DACH1: variants seen among roughly 807,000 people sequenced by gnomAD.
DACH1 encodes the protein dachshund family transcription factor 1.
In DACH1, 12 loss-of-function variants were observed where a neutral mutation model predicts 54.2. The observed-to-expected ratio is 0.22, with a 90% confidence interval of 0.14 to 0.36. DACH1 has a LOEUF of 0.36. Among genes scored for constraint, DACH1 ranks in the 10% least tolerant of loss-of-function variants. The pLI is 1.00. For synonymous variants in DACH1, 386 were observed against 366.2 expected (o/e 1.05, Z -0.62); for missense variants, 805 against 929.8 (o/e 0.87, Z 1.75).
rs111368443 is a variant in DACH1, at chr13:71,713,089, C to CTT, written c.849-31181_849-31180dup. Among the ~76,000 whole-genome samples the CTT allele has an allele frequency of 2.1e-5, 3 of 143,726 alleles. No individual in the cohort carries two copies. In the East Asian group the frequency reaches 6.0e-4, roughly 29 times the overall value. 94.3% of individuals were successfully genotyped at this position (143,726 alleles called of 152,430 possible). A position where few individuals can be genotyped will look rare whatever the true frequency, so the allele number is the denominator to read the frequency against. On this transcript the variant is annotated intron_variant, in intron 1 of 10. Transcript: ENST00000613252. ...GCCCAAGATTTCTTCTTTTCTTCTT[C>CTT]TTTTTTTTTTTTTCCTTTCTGTTTT...
intron 3 of DACH1, among the ~76,000 whole-genome samples, chr13:71,613,074 A>T (rs1225234727): frequency 4.6e-5 from 7 of 152,242 alleles, no homozygotes; most frequent in Non-Finnish European, 8.8e-5. Context: ...AGTGCAACAG[A>T]AAGAACAGGG....
intron 10 of DACH1, among the ~76,000 whole-genome samples, chr13:71,456,624 G>C: frequency 6.6e-6 from 1 of 151,998 alleles, no homozygotes; most frequent in Non-Finnish European, 1.5e-5. Context: ...TTGGACGATA[G>C]CAAACTGTTC....
chr13:71,619,872 A>C (rs1566383407), intron 3 of DACH1, among the ~76,000 whole-genome samples: 2 of 151,878 alleles, frequency 1.3e-5, no homozygotes, highest in Non-Finnish European at 2.9e-5. Flanking sequence ...TAATATTTAC[A>C]CTCATTTTGA....
intron 3 of DACH1, among the ~76,000 whole-genome samples, chr13:71,577,897 A>G (rs1318426401): frequency 6.6e-6 from 1 of 152,314 alleles, no homozygotes; most frequent in South Asian, 2.1e-4. Context: ...GTCTTAGTCC[A>G]AATAATTATA....
At chr13:71,690,270 C>A (rs1280112612) in intron 1 of DACH1, among the ~76,000 whole-genome samples, 2 of 152,124 alleles carry the variant, frequency 1.3e-5, no homozygotes, top group Admixed American at 6.5e-5. Context: ...TTATGTTTAC[C>A]TTTCTATAGC....
chr13:71,745,175 A>G (rs1884553060), intron 1 of DACH1, among the ~76,000 whole-genome samples: 7 of 152,134 alleles, frequency 4.6e-5, no homozygotes, highest in Admixed American at 3.3e-4. Flanking sequence ...CTCTCTGTCT[A>G]CTATTTCTTT....
At chr13:71,634,292 A>G (rs1232783284) in intron 2 of DACH1, among the ~76,000 whole-genome samples, 1 of 152,038 alleles carries the variant, frequency 6.6e-6, no homozygotes. Flanking sequence ...GGATTTGAAT[A>G]TATATTCAAT....
At chr13:71,745,955 C>T (rs1351822412) in intron 1 of DACH1, among the ~76,000 whole-genome samples, 5 of 152,322 alleles carry the variant, frequency 3.3e-5, no homozygotes, top group African/African-American at 1.2e-4. Flanking sequence ...CGCGGTGACC[C>T]AAGCCTGTAA....
chr13:71,663,661 C>A (rs938898451), intron 2 of DACH1, among the ~76,000 whole-genome samples: 1 of 151,942 alleles, frequency 6.6e-6, no homozygotes, highest in African/African-American at 2.4e-5. Context: ...GGACCCAAAT[C>A]TCCTTAAGAA....
chr13:71,857,920 A>G (rs988391734), intron 1 of DACH1, among the ~76,000 whole-genome samples: 1 of 151,726 alleles, frequency 6.6e-6, no homozygotes, highest in African/African-American at 2.4e-5. Context: ...TACATAAACA[A>G]TATGTCTTTA....
chr13:71,685,643 G>A (rs1339944253), intron 1 of DACH1, among the ~76,000 whole-genome samples: 4 of 152,056 alleles, frequency 2.6e-5, no homozygotes, highest in African/African-American at 9.7e-5. Flanking sequence ...TGCAATCCTG[G>A]TCATTAACTC....
chr13:71,742,915 G>T (rs574083780), intron 1 of DACH1, among the ~76,000 whole-genome samples: 5 of 152,006 alleles, frequency 3.3e-5, no homozygotes, highest in African/African-American at 9.7e-5. Context: ...CTATTTCTCT[G>T]TAGAAATTTA....
chr13:71,573,046 G>A, intron 3 of DACH1, 34 bp from the exon 4 acceptor site: 1 of 1,586,464 alleles, frequency 6.3e-7, no homozygotes, highest in South Asian at 1.1e-5. Flanking sequence ...TCATTGCTCT[G>A]GAGGACATAA....
Position 71,816,694 on chromosome 13 carries a change from A to G in DACH1, c.848+49228T>C, listed in dbSNP as rs563927283. 2.1e-3 allele frequency among the ~76,000 whole-genome samples: 315 copies of G among 149,986 alleles called. 1 individual carries two copies. Among genetic ancestry groups the G allele is most frequent in the African/African-American group, 3.4e-3 (138 of 40,736 alleles). ...TATACACACATATATATATACACAT[A>G]TATATATATACACACACCATAGAAT... On this transcript the variant is annotated intron_variant, in intron 1 of 10. Coordinates refer to ENST00000613252, the MANE Select transcript of DACH1 (RefSeq NM_080759.6).
At position 71,473,449 on chromosome 13, in the gene DACH1, G is replaced by A. The variant is rs1877257608; in HGVS notation, c.2083+1692C>T. ...TCAGAATAAGTCAGTCACAACAATGGAAACTGAAAGTTGTCAACATTTCAG... is the reference window on the plus strand; with the variant it reads ...TCAGAATAAGTCAGTCACAACAATGAAAACTGAAAGTTGTCAACATTTCAG... On this transcript the variant is annotated intron_variant, in intron 10 of 10. Transcript: ENST00000613252. Among the ~76,000 whole-genome samples the A allele has an allele frequency of 2.0e-5, 3 of 152,132 alleles. No individual in the cohort carries two copies. In the South Asian group the frequency reaches 6.2e-4, roughly 32 times the overall value.
chr13:71,529,183 G>GTTTTTTTTTTT (rs10707603), intron 6 of DACH1, among the ~76,000 whole-genome samples: 4 of 80,978 alleles, frequency 4.9e-5, no homozygotes, highest in Admixed American at 2.9e-4. Flanking sequence ...TGTGATTTGG[G>GTTTTTTTTTTT]TTTTTTTTTT....
chr13:71,761,337 T>G (rs1885391395), intron 1 of DACH1, among the ~76,000 whole-genome samples: 1 of 152,190 alleles, frequency 6.6e-6, no homozygotes, highest in Admixed American at 6.5e-5. Flanking sequence ...AGCACCATTT[T>G]GCTTGTACTT....
intron 6 of DACH1, among the ~76,000 whole-genome samples, chr13:71,505,688 GTTTAT>G (rs1283388178): frequency 6.6e-6 from 1 of 152,060 alleles, no homozygotes; most frequent in African/African-American, 2.4e-5. Context: ...AAATAAATAA[GTTTAT>G]TTTGTTAGAT....
chr13:71,669,304 C>T (rs545695934), intron 2 of DACH1, among the ~76,000 whole-genome samples: 3 of 152,170 alleles, frequency 2.0e-5, no homozygotes, highest in African/African-American at 4.8e-5. Flanking sequence ...TTTGAATTAG[C>T]GCCTGAGCTC....
Sources: gnomAD v4.1 joint callset for allele counts (sites outside exome capture counted in the v4.1 genomes callset) on GRCh38, gnomAD v4.1.1 for gene constraint, MANE v1.5 for transcripts, NCBI Gene and HGNC (gene_info 2026-07-23, HGNC 2026-07-21) for gene names.